Variants in CSMD2 observed in about 807,000 individuals in gnomAD.
CSMD2 encodes the protein CUB and sushi domain-containing protein 2.
Under a neutral mutation model 398.5 loss-of-function variants are expected in CSMD2, and 130 were observed. The ratio of observed to expected loss-of-function variants is 0.33; its 90% CI spans 0.28 to 0.38. The LOEUF (loss-of-function observed/expected upper bound fraction) is 0.38. Among genes scored for constraint, CSMD2 ranks in the 10% least tolerant of loss-of-function variants. CSMD2 has a pLI of 1.00. For synonymous variants in CSMD2, 1,828 were observed against 1,908.5 expected (o/e 0.96, Z 1.10); for missense variants, 3,829 against 4,764.9 (o/e 0.80, Z 5.78).
intron 21 of CSMD2, among the ~76,000 whole-genome samples, chr1:33,714,168 C>T (rs1376094183): frequency 6.6e-6 from 1 of 152,224 alleles, no homozygotes; most frequent in Non-Finnish European, 1.5e-5. Flanking sequence ...TCTACTCCTC[C>T]AGATGGGGAC....
chr1:33,766,368 C>T (rs1650496312), intron 13 of CSMD2, among the ~76,000 whole-genome samples: 1 of 152,098 alleles, frequency 6.6e-6, no homozygotes, highest in Non-Finnish European at 1.5e-5. Context: ...AAGTCTATGC[C>T]CCATGAGAAG....
chr1:34,064,913 G>A (rs1654941854), intron 2 of CSMD2, among the ~76,000 whole-genome samples: 1 of 152,164 alleles, frequency 6.6e-6, no homozygotes, highest in African/African-American at 2.4e-5. Context: ...TGAGGAAGAT[G>A]CAAAAGCGGA....
chr1:33,639,842 T>C (rs1026856361), intron 29 of CSMD2, among the ~76,000 whole-genome samples: 4 of 152,192 alleles, frequency 2.6e-5, no homozygotes, highest in African/African-American at 9.7e-5. Context: ...TACATAGGAA[T>C]ATCACTTCAT....
chr1:33,546,602 G>C (rs1025433034), intron 56 of CSMD2, among the ~76,000 whole-genome samples: 1 of 152,150 alleles, frequency 6.6e-6, no homozygotes, highest in East Asian at 1.9e-4. Context: ...TCTTAGCTTA[G>C]ACATTCAACA....
At chr1:34,092,658 G>A (rs1176901286) in intron 1 of CSMD2, among the ~76,000 whole-genome samples, 1 of 152,176 alleles carries the variant, frequency 6.6e-6, no homozygotes, top group East Asian at 1.9e-4. Context: ...GACGGCACCT[G>A]GAGAATCGGG....
At position 33,868,245 on chromosome 1, in the gene CSMD2, A is replaced by G. The variant is rs1222048762; in HGVS notation, c.921-21249T>C. On this transcript the variant is annotated intron_variant, in intron 5 of 70. Coordinates refer to ENST00000373381, the MANE Select transcript of CSMD2 (RefSeq NM_001281956.2). The stretch of plus-strand genomic sequence containing the variant: ...AGGCAGGCCCATCACCATCTTGATG[A>G]CTGAATCACTCAACTCTGATCCTTC... 3.9e-5 allele frequency among the ~76,000 whole-genome samples: 6 copies of G among 152,240 alleles called. No homozygotes were observed. The East Asian group carries it at 1.2e-3, about 29-fold the overall frequency.
chr1:33,953,388 A>G (rs1645067123), intron 3 of CSMD2, among the ~76,000 whole-genome samples: 1 of 152,072 alleles, frequency 6.6e-6, no homozygotes, highest in Non-Finnish European at 1.5e-5. Context: ...CTTCTCTCAC[A>G]TGCCCCTGAA....
chr1:34,061,238 G>C (rs1654466501), intron 2 of CSMD2, among the ~76,000 whole-genome samples: 1 of 152,336 alleles, frequency 6.6e-6, no homozygotes, highest in Middle Eastern at 3.4e-3. Context: ...AATATCGAGG[G>C]TGCCATGGTG....
intron 27 of CSMD2, among the ~76,000 whole-genome samples, chr1:33,653,461 C>G (rs965469117): frequency 2.0e-5 from 3 of 152,210 alleles, no homozygotes; most frequent in African/African-American, 7.2e-5. Flanking sequence ...GCTGCAGATA[C>G]TTTCCAACTT....
chr1:34,005,418 C>T (rs1022294887), intron 3 of CSMD2, among the ~76,000 whole-genome samples: 1 of 151,238 alleles, frequency 6.6e-6, no homozygotes, highest in African/African-American at 2.4e-5. Flanking sequence ...CCTCCACTTC[C>T]CCTTTGTAGA....
rs1347711837 is a variant in CSMD2, at chr1:33,992,884, A to AG, written c.517+39709_517+39710insC. On this transcript the variant is annotated intron_variant, in intron 3 of 70. Transcript: ENST00000373381. The stretch of plus-strand genomic sequence containing the variant: ...AGAGTGAGACTCCATCTCAAAAAAA[A>AG]AAAAAAAAAAGTTAGATAACTCATG... 2.6e-5 allele frequency among the ~76,000 whole-genome samples: 4 copies of AG among 151,842 alleles called. 1 individual carries two copies. Among genetic ancestry groups the AG allele is most frequent in the African/African-American group, 9.7e-5 (4 of 41,424 alleles).
At chr1:34,096,253 A>T (rs1275249362) in intron 1 of CSMD2, among the ~76,000 whole-genome samples, 3 of 151,964 alleles carry the variant, frequency 2.0e-5, no homozygotes, top group Non-Finnish European at 4.4e-5. Context: ...TATTGATGGG[A>T]CATATTTCAA....
At position 33,714,516 on chromosome 1, in the gene CSMD2, A is replaced by G. The variant is rs984392389; in HGVS notation, c.3406+71T>C. ...CCTCTTGGCCTGTGTGCCGTCCACC[A>G]CCTCACATCAATTGACTATAATCTG... On this transcript the variant is annotated intron_variant, in intron 21 of 70. Coordinates refer to ENST00000373381, the MANE Select transcript of CSMD2 (RefSeq NM_001281956.2). 4 of 1,529,196 alleles carry G rather than the reference A, an allele frequency of 2.6e-6. No homozygotes were observed. In the African/African-American group the frequency reaches 4.1e-5, roughly 16 times the overall value. The allele number at this position is 1,529,196 out of a possible 1,614,324, so 94.7% of individuals were successfully genotyped here. A position where few individuals can be genotyped will look rare whatever the true frequency, so the allele number is the denominator to read the frequency against.
At chr1:33,554,612 C>G (rs2148642617) in intron 55 of CSMD2, among the ~76,000 whole-genome samples, 1 of 152,264 alleles carries the variant, frequency 6.6e-6, no homozygotes, top group African/African-American at 2.4e-5. Flanking sequence ...GTGATTTTAA[C>G]TGGGAGCCAA....
Position 34,063,476 on chromosome 1 carries a change from T to A in CSMD2, c.404+25501A>T, listed in dbSNP as rs776517487. Among the ~76,000 whole-genome samples, 35 of 152,190 alleles carry A rather than the reference T, an allele frequency of 2.3e-4. 1 individual carries two copies. Among genetic ancestry groups the A allele is most frequent in the Non-Finnish European group, 2.9e-5 (2 of 68,040 alleles). Reference sequence around the variant, plus strand: ...CAAAACAAAAGGGTTACAGGGCCCATGCAAGTCCGAAATCCAGATGGGGCA... The same window carrying A: ...CAAAACAAAAGGGTTACAGGGCCCAAGCAAGTCCGAAATCCAGATGGGGCA... On this transcript the variant is annotated intron_variant, in intron 2 of 70. Coordinates refer to ENST00000373381, the MANE Select transcript of CSMD2 (RefSeq NM_001281956.2).
chr1:33,861,040 G>A (rs149539443), intron 5 of CSMD2: 1 of 152,242 alleles, frequency 6.6e-6, no homozygotes, highest in Admixed American at 6.5e-5. Flanking sequence ...ACTTATCCTT[G>A]TATGGAGATA....
intron 8 of CSMD2, among the ~76,000 whole-genome samples, 191 bp downstream of exon 8, chr1:33,820,278 A>C (rs776680428): frequency 2.6e-5 from 4 of 151,978 alleles, no homozygotes; most frequent in Non-Finnish European, 4.4e-5. Flanking sequence ...CCCCCCACTA[A>C]AGCATGGGCA....
intron 15 of CSMD2, among the ~76,000 whole-genome samples, chr1:33,729,345 T>C (rs1646644601): frequency 2.0e-5 from 3 of 152,210 alleles, no homozygotes; most frequent in African/African-American, 7.2e-5. Context: ...CCTGTGCACC[T>C]GTGATTGTCC....
intron 1 of CSMD2, among the ~76,000 whole-genome samples, chr1:34,157,782 C>G (rs574270639): frequency 2.4e-4 from 37 of 152,256 alleles, no homozygotes; most frequent in African/African-American, 8.4e-4. Flanking sequence ...CCAACTTACA[C>G]CTTCCTACTT....
Sources: allele counts gnomAD v4.1 joint callset (sites outside exome capture counted in the v4.1 genomes callset), GRCh38; gene constraint gnomAD v4.1.1; transcripts MANE v1.5; gene names NCBI Gene and HGNC (gene_info 2026-07-23, HGNC 2026-07-21).